The following VPS11 variants were observed in gnomAD, a reference collection of about 807,000 sequenced individuals.
The protein encoded by VPS11 is vacuolar protein sorting-associated protein 11 homolog.
A neutral mutation model predicts 106.8 loss-of-function variants in VPS11; 51 were observed. The ratio of observed to expected loss-of-function variants is 0.48; its 90% CI spans 0.38 to 0.60. The LOEUF (loss-of-function observed/expected upper bound fraction) is 0.60. VPS11 is among the 20% of genes least tolerant of loss of function. The pLI is 0.00. For synonymous variants in VPS11, 453 were observed against 458.7 expected, an observed-to-expected ratio of 0.99 and a Z score of 0.16; for missense variants, 950 against 1,190.0, an observed-to-expected ratio of 0.80 and a Z score of 2.97.
At chr11:119,076,205 A>G (rs1945611642) in intron 7 of VPS11, among the ~76,000 whole-genome samples, 1 of 151,878 alleles carries the variant, frequency 6.6e-6, no homozygotes, top group African/African-American at 2.4e-5. Context: ...AGCCTGGCGA[A>G]ATAGCGAAAC....
intron 7 of VPS11, among the ~76,000 whole-genome samples, 172 bp downstream of exon 7, chr11:119,074,123 T>C (rs1945508572): frequency 6.6e-6 from 1 of 152,222 alleles, no homozygotes; most frequent in South Asian, 2.1e-4. Flanking sequence ...TTCGCTCTTG[T>C]TGTCCAAGCT....
chr11:119,075,144 G>A (rs948694993), intron 7 of VPS11, among the ~76,000 whole-genome samples: 15 of 152,054 alleles, frequency 9.9e-5, no homozygotes, highest in Non-Finnish European at 2.2e-4. Flanking sequence ...GCGGGCGCCT[G>A]TAGTCCCAGC....
chr11:119,077,761 G>A (rs1945682860), intron 9 of VPS11, 114 bp downstream of exon 9: 3 of 1,546,278 alleles, frequency 1.9e-6, no homozygotes, highest in Middle Eastern at 2.2e-4. Context: ...GAGTGGAGGT[G>A]AGACTCTCAA....
At position 119,077,487 on chromosome 11, in the gene VPS11, T is replaced by C. The variant is rs1455463796; in HGVS notation, c.1426-14T>C. On this transcript the variant is annotated splice_polypyrimidine_tract_variant and intron_variant, in intron 8 of 15. Coordinates refer to ENST00000621676, the MANE Select transcript of VPS11 (RefSeq NM_021729.6). ...CCTCTGTGTAAATGATTTTGTCTCATGTCTCCCTGGCAGAAAAAGAGTGAG... is the reference window on the plus strand; with the variant it reads ...CCTCTGTGTAAATGATTTTGTCTCACGTCTCCCTGGCAGAAAAAGAGTGAG... 1.2e-6 allele frequency: 2 copies of C among 1,612,072 alleles called. No homozygotes were observed. The highest frequency in any genetic ancestry group is 1.3e-5 in the African/African-American group (1 of 74,998).
chr11:119,079,073 C>T, intron 13 of VPS11, 56 bp from the exon 14 acceptor site: 1 of 1,611,934 alleles, frequency 6.2e-7, no homozygotes, highest in Admixed American at 1.7e-5. Flanking sequence ...TCACCTTTAT[C>T]CAGAGAGTGC....
In VPS11 at chr11:119,081,178, T is replaced by C. The variant is rs1171642475; in HGVS notation, c.2525T>C (p.Phe842Ser). 8 of 1,613,924 alleles carry C rather than the reference T, an allele frequency of 5.0e-6. No homozygotes were observed. In the East Asian group the frequency reaches 1.6e-4, roughly 31 times the overall value. ...PSVHFLCGHS[F>S]HQHCFESYSE... ...GTCCACTTCCTGTGTGGCCACTCCT[T>C]CCACCAACACTGCTTTGAGAGTTAC... The change falls in exon 15 of 16, where the codon TTC becomes TCC. Residue 842 changes from phenylalanine to serine, a missense_variant. Phe to Ser is a radical substitution (Grantham distance 155). This residue lies in a region of VPS11 where 453 missense variants were observed against 514.6 expected (regional missense o/e 0.88). Coordinates refer to ENST00000621676, the MANE Select transcript of VPS11 (RefSeq NM_021729.6).
At chr11:119,072,337 T>C (rs782081007) in intron 5 of VPS11, 95 of 166,712 alleles carry the variant, frequency 5.7e-4, no homozygotes, top group Admixed American at 8.8e-4. Flanking sequence ...ACTGCAGGTA[T>C]TTGCTACATA....
rs1055726283 is a variant in VPS11 at position 119,079,900 on chromosome 11, C to T, written c.2438+600C>T. On this transcript the variant is annotated intron_variant, in intron 14 of 15. Coordinates refer to ENST00000621676, the MANE Select transcript of VPS11 (RefSeq NM_021729.6). ...ACTCTGAAATCTTACCTGCCCTTAA[C>T]ATTCTGTAAAATATTTATTAGAGAA... Among the ~76,000 whole-genome samples the T allele has an allele frequency of 2.0e-5, 3 of 152,188 alleles. No individual in the cohort carries two copies. The East Asian group carries it at 5.8e-4, about 30-fold the overall frequency.
intron 7 of VPS11, among the ~76,000 whole-genome samples, chr11:119,075,542 TAAA>T (rs1555202802): frequency 1.1e-4 from 12 of 111,620 alleles, no homozygotes; most frequent in East Asian, 5.3e-4. Flanking sequence ...CTGTCTCCAC[TAAA>T]AAAAAAAAAA....
At chr11:119,080,344 C>T (rs994122292) in intron 14 of VPS11, among the ~76,000 whole-genome samples, 2 of 151,768 alleles carry the variant, frequency 1.3e-5, no homozygotes, top group Admixed American at 6.6e-5. Context: ...ATGCGTGAGC[C>T]ACTGCACCCG....
intron 14 of VPS11, 66 bp downstream of exon 14, chr11:119,079,366 C>T (rs1406860020): frequency 1.3e-6 from 2 of 1,487,956 alleles, no homozygotes; most frequent in African/African-American, 2.8e-5. Flanking sequence ...GTATTCATTA[C>T]TAAGTACTTT....
Position 119,077,923 on chromosome 11 carries a change from C to G in VPS11, c.1618C>G (p.Gln540Glu), listed in dbSNP as rs368858377. The change falls in exon 10 of 16, where the codon CAG becomes GAG. Residue 540 changes from glutamine (Q) to glutamate (E), a missense_variant. Gln to Glu is a conservative substitution (Grantham distance 29). Around this residue, in one of 3 missense-constraint regions of VPS11, gnomAD observed 453 missense variants for 514.6 expected, o/e 0.88. Transcript: ENST00000621676. ...ATACATCGGCAAGCTGCCTTTTGAG[C>G]AGGCAGAGAGCAACATGAAGCGCTA... ...LRYIGKLPFE[Q>E]AESNMKRYGK... 248 of 1,613,922 alleles carry G rather than the reference C, an allele frequency of 1.5e-4. No homozygotes were observed. The highest frequency in any genetic ancestry group is 2.0e-4 in the Non-Finnish European group (231 of 1,179,916).
chr11:119,073,258 C>T lies in VPS11; in HGVS notation c.945C>T (p.Asp315=), dbSNP rs1181941262. 5.0e-6 allele frequency: 8 copies of T among 1,613,928 alleles called. No homozygotes were observed. In the Admixed American group the frequency reaches 5.0e-5, roughly 10 times the overall value. ...ACAAGCAGATTCTAAACATCTATGA[C>T]CTGTGCAACAAGTTCATAGCCTATA... ...SSDKQILNIY[D]LCNKFIAYST... The change falls in exon 6 of 16, where the codon GAC becomes GAT. Residue 315 remains aspartate (D), a synonymous_variant. Coordinates refer to ENST00000621676, the MANE Select transcript of VPS11 (RefSeq NM_021729.6).
At chr11:119,077,227 G>T in intron 8 of VPS11, 144 bp downstream of exon 8, 1 of 1,118,176 alleles carries the variant, frequency 8.9e-7, no homozygotes, top group Non-Finnish European at 1.3e-6. Flanking sequence ...TTAGTTCGGT[G>T]CCATCTCCCC....
In VPS11 at chr11:119,077,872, C is replaced by A; in HGVS notation, c.1573-6C>A. 1 of 1,613,956 alleles carries A rather than the reference C, an allele frequency of 6.2e-7. No individual in the cohort carries two copies. On this transcript the variant is annotated splice_polypyrimidine_tract_variant and splice_region_variant and intron_variant, in intron 9 of 15. Transcript: ENST00000621676. ...ATACACTATTCTGCCCTTTACTTTT[C>A]CACAGAATTATCAGGAAGCCCTTCG...
At chr11:119,069,999 A>AAGATAAATAAAT (rs1945309259) in intron 3 of VPS11, among the ~76,000 whole-genome samples, 1 of 141,708 alleles carries the variant, frequency 7.1e-6, no homozygotes, top group Non-Finnish European at 1.5e-5. Context: ...ACTCTGTCTC[A>AAGATAAATAAAT]AAATAAATAA....
At chr11:119,069,095 C>A in intron 1 of VPS11, 101 bp from the exon 2 acceptor site, 1 of 1,393,552 alleles carries the variant, frequency 7.2e-7, no homozygotes, top group Non-Finnish European at 9.6e-7. Flanking sequence ...GTGGGAAAAT[C>A]CTTGAAAATT....
At chr11:119,080,109 A>G (rs1198071387) in intron 14 of VPS11, among the ~76,000 whole-genome samples, 1 of 152,070 alleles carries the variant, frequency 6.6e-6, no homozygotes, top group Non-Finnish European at 1.5e-5. Context: ...CCCAGGCTAG[A>G]GTGCAGTGGC....
intron 7 of VPS11, among the ~76,000 whole-genome samples, chr11:119,075,929 T>TA (rs1945595642): frequency 1.3e-5 from 1 of 76,586 alleles, no homozygotes; most frequent in African/African-American, 5.5e-5. Flanking sequence ...ATAATAATAA[T>TA]AATAAATAAA....
Sources: gnomAD v4.1 joint callset for allele counts (sites outside exome capture counted in the v4.1 genomes callset) on GRCh38, gnomAD v4.1.1 for gene constraint, gnomAD v4.1.1 regional missense constraint, MANE v1.5 for transcripts, NCBI Gene and HGNC (gene_info 2026-07-23, HGNC 2026-07-21) for gene names.